Variants in KCNK13 observed in about 807,000 individuals in gnomAD.
KCNK13 encodes the protein potassium channel subfamily K member 13.
Under a neutral mutation model 23.4 loss-of-function variants are expected in KCNK13, and 12 were observed. The observed-to-expected ratio is 0.51, with a 90% CI of 0.33 to 0.83. The LOEUF is 0.83. Ranked by LOEUF, KCNK13 falls within the 40% of genes least tolerant of loss-of-function variation. The pLI is 0.02. For missense variants in KCNK13, 463 were observed against 556.3 expected, an observed-to-expected ratio of 0.83 and a Z score of 1.69; for synonymous variants, 231 against 229.5, an observed-to-expected ratio of 1.01 and a Z score of -0.06.
chr14:90,120,867 G>A (rs962728160), intron 1 of KCNK13, among the ~76,000 whole-genome samples: 5 of 152,108 alleles, frequency 3.3e-5, no homozygotes, highest in African/African-American at 7.2e-5. Context: ...AGTTTCATCC[G>A]AGACAAGGCA....
intron 1 of KCNK13, among the ~76,000 whole-genome samples, chr14:90,096,784 CTCTT>C (rs769614837): frequency 6.6e-6 from 1 of 152,176 alleles, no homozygotes; most frequent in Non-Finnish European, 1.5e-5. Flanking sequence ...CTTTGCTTCT[CTCTT>C]TCTTTTGCTT....
chr14:90,086,027 A>G (rs1314018434), intron 1 of KCNK13, among the ~76,000 whole-genome samples: 1 of 151,008 alleles, frequency 6.6e-6, no homozygotes, highest in African/African-American at 2.4e-5. Context: ...TGCCCAGGAT[A>G]CTTAACTATG....
intron 1 of KCNK13, among the ~76,000 whole-genome samples, chr14:90,126,023 TA>T (rs34865130): frequency 0.78 from 113,737 of 145,404 alleles, 44,190 homozygotes; most frequent in Admixed American, 0.84. Context: ...AGACGCTATT[TA>T]AAAAAAAAAA....
chr14:90,092,124 A>G lies in KCNK13; in HGVS notation c.334+29585A>G, dbSNP rs181904857. On this transcript the variant is annotated intron_variant, in intron 1 of 1. Coordinates refer to ENST00000282146, the MANE Select transcript of KCNK13 (RefSeq NM_022054.4). ...TTTTTAGTAGAGATGGGGTTTCACC[A>G]TGTTAGCCAGGATGGTCTCCATCTC... Among the ~76,000 whole-genome samples the G allele has an allele frequency of 1.1e-3, 161 of 152,164 alleles. No individual in the cohort carries two copies. The East Asian group carries it at 0.018, about 17-fold the overall frequency.
At chr14:90,126,442 T>TGAC (rs1566956214) in intron 1 of KCNK13, among the ~76,000 whole-genome samples, 19 of 90,144 alleles carry the variant, frequency 2.1e-4, no homozygotes, top group African/African-American at 6.6e-4. Flanking sequence ...TGTGACGTGA[T>TGAC]GTGACGTGAC....
At chr14:90,148,752 A>G (rs1890102087) in intron 1 of KCNK13, among the ~76,000 whole-genome samples, 1 of 152,246 alleles carries the variant, frequency 6.6e-6, no homozygotes, top group African/African-American at 2.4e-5. Flanking sequence ...GTGCTAATAG[A>G]GAACTTTAGG....
intron 1 of KCNK13, among the ~76,000 whole-genome samples, chr14:90,167,808 AAATAAACTGGG>A (rs1890321311): frequency 6.6e-6 from 1 of 152,106 alleles, no homozygotes; most frequent in Non-Finnish European, 1.5e-5. Context: ...CATTTTACAA[AAATAAACTGGG>A]ACTAGCACCT....
rs1890517919 is a variant in KCNK13, at chr14:90,184,149, A to G, written c.373A>G (p.Ile125Val). The G allele has an allele frequency of 6.2e-7, 1 of 1,613,844 alleles. No individual in the cohort carries two copies. The highest frequency in any genetic ancestry group is 1.7e-5 in the Admixed American group (1 of 59,986). The change falls in exon 2 of 2, where the codon ATC becomes GTC. Residue 125 changes from isoleucine to valine, a missense_variant. Coordinates refer to ENST00000282146, the MANE Select transcript of KCNK13 (RefSeq NM_022054.4). The surrounding 1 kb of genome is among the most constrained non-coding windows in gnomAD (Gnocchi z 5.6). Reference sequence around the variant, plus strand: ...AACTCCGGCGACAGTAGGAGGAAAAATCTTTCTGATCTTTTACGGCCTTGT... The same window carrying G: ...AACTCCGGCGACAGTAGGAGGAAAAGTCTTTCTGATCTTTTACGGCCTTGT... ...MTTPATVGGK[I>V]FLIFYGLVGC...
chr14:90,181,713 T>C (rs765030430), intron 1 of KCNK13, among the ~76,000 whole-genome samples: 11 of 152,130 alleles, frequency 7.2e-5, no homozygotes, highest in African/African-American at 1.2e-4. Flanking sequence ...CTAAATCACC[T>C]CTAAAACAGG....
chr14:90,129,353 C>T (rs775233003), intron 1 of KCNK13, among the ~76,000 whole-genome samples: 6 of 152,130 alleles, frequency 3.9e-5, no homozygotes, highest in African/African-American at 7.2e-5. Context: ...CATGTGTGAG[C>T]GTTCCCTGGT....
At chr14:90,161,646 A>G (rs4904636) in intron 1 of KCNK13, among the ~76,000 whole-genome samples, 15,976 of 152,180 alleles carry the variant, frequency 0.1, 888 homozygotes, top group East Asian at 0.19. Flanking sequence ...ATGGAGAGAC[A>G]CTGTGTTCCT....
At chr14:90,102,467 G>C (rs1005972408) in intron 1 of KCNK13, among the ~76,000 whole-genome samples, 1 of 152,212 alleles carries the variant, frequency 6.6e-6, no homozygotes, top group Admixed American at 6.5e-5. Context: ...TTTGATCCCA[G>C]ATGATTGGAC....
chr14:90,148,648 T>C (rs1369829115), intron 1 of KCNK13, among the ~76,000 whole-genome samples: 1 of 152,086 alleles, frequency 6.6e-6, no homozygotes, highest in Admixed American at 6.6e-5. Flanking sequence ...TGCTGCGCAG[T>C]GGGAGGGATC....
At chr14:90,092,133 A>T (rs571435126) in intron 1 of KCNK13, among the ~76,000 whole-genome samples, 2 of 152,242 alleles carry the variant, frequency 1.3e-5, no homozygotes, top group African/African-American at 2.4e-5. Flanking sequence ...CATGTTAGCC[A>T]GGATGGTCTC....
chr14:90,172,054 C>T (rs1470182384), intron 1 of KCNK13, among the ~76,000 whole-genome samples: 1 of 152,086 alleles, frequency 6.6e-6, no homozygotes, highest in Non-Finnish European at 1.5e-5. Flanking sequence ...TGGTGGCTCA[C>T]ACATGTAATC....
chr14:90,135,523 G>A (rs1021881288), intron 1 of KCNK13, among the ~76,000 whole-genome samples: 7 of 152,174 alleles, frequency 4.6e-5, no homozygotes, highest in Admixed American at 1.3e-4. Flanking sequence ...GTGGGGTCTC[G>A]AGAGGACCTT....
chr14:90,102,153 G>A (rs1889489311), intron 1 of KCNK13, among the ~76,000 whole-genome samples: 1 of 152,080 alleles, frequency 6.6e-6, no homozygotes, highest in Non-Finnish European at 1.5e-5. Context: ...AAAGTGCTGG[G>A]ATTATGGGCA....
At chr14:90,084,458 T>C (rs1398507835) in intron 1 of KCNK13, among the ~76,000 whole-genome samples, 2 of 152,236 alleles carry the variant, frequency 1.3e-5, no homozygotes, top group Admixed American at 6.5e-5. Flanking sequence ...TGTGTAGAAA[T>C]GGAATTAGTT....
chr14:90,081,747 T>A (rs1889215358), intron 1 of KCNK13, among the ~76,000 whole-genome samples: 1 of 152,222 alleles, frequency 6.6e-6, no homozygotes, highest in South Asian at 2.1e-4. Context: ...ATGGTTTGAA[T>A]ATGGTTTGTC....
Sources: allele counts gnomAD v4.1 joint callset (sites outside exome capture counted in the v4.1 genomes callset), GRCh38; gene constraint gnomAD v4.1.1; non-coding constraint Gnocchi (gnomAD v3.1); transcripts MANE v1.5; gene names NCBI Gene and HGNC (gene_info 2026-07-23, HGNC 2026-07-21).